Variants in VPS37A observed in about 807,000 individuals in gnomAD.
VPS37A encodes the protein vacuolar protein sorting-associated protein 37A.
In VPS37A, 30 loss-of-function variants were observed where a neutral mutation model predicts 49.8. The observed-to-expected ratio is 0.60, with a 90% CI of 0.45 to 0.82. VPS37A has a LOEUF of 0.82. Among genes scored for constraint, VPS37A ranks in the 40% least tolerant of loss-of-function variants. VPS37A has a pLI of 0.00. For missense variants in VPS37A, 593 were observed against 464.4 expected (o/e 1.28, Z -2.55); for synonymous variants, 195 against 160.6 (o/e 1.21, Z -1.62).
At chr8:17,304,229 A>T (rs1384690273), downstream of VPS37A, 4 of 788,026 alleles carry the variant, frequency 5.1e-6, no homozygotes, top group Non-Finnish European at 7.3e-6. Context: ...CAAAAATACC[A>T]GATCAGATAT....
intron 1 of VPS37A, chr8:17,265,693 C>G (rs775840245): frequency 1.4e-5 from 18 of 1,319,734 alleles, no homozygotes; most frequent in Non-Finnish European, 1.7e-5. Context: ...CATCCCCCTT[C>G]CCCTGGATAG....
intron 11 of VPS37A, among the ~76,000 whole-genome samples, chr8:17,293,590 G>A (rs1022892201): frequency 6.6e-6 from 1 of 151,990 alleles, no homozygotes; most frequent in South Asian, 2.1e-4. Context: ...TCATCTTCAT[G>A]GATTTATCTA....
In VPS37A at chr8:17,255,079, A is replaced by T. The variant is rs183548002; in HGVS notation, c.125+7710A>T. 2.4e-4 allele frequency among the ~76,000 whole-genome samples: 37 copies of T among 152,286 alleles called. 1 individual carries two copies. The East Asian group carries it at 6.9e-3, about 29-fold the overall frequency. Reference sequence around the variant, plus strand: ...TCAGAGCACAAAACACCCCATATTCATCTCTGTATTTCCATTTCCTTGCAG... The same window carrying T: ...TCAGAGCACAAAACACCCCATATTCTTCTCTGTATTTCCATTTCCTTGCAG... On this transcript the variant is annotated intron_variant, in intron 1 of 11. Coordinates refer to ENST00000324849, the MANE Select transcript of VPS37A (RefSeq NM_152415.3).
chr8:17,253,940 A>T (rs141479939), intron 1 of VPS37A, among the ~76,000 whole-genome samples: 2 of 152,290 alleles, frequency 1.3e-5, no homozygotes, highest in African/African-American at 4.8e-5. Flanking sequence ...TTTGTTTTAA[A>T]TTTCCAGTTT....
chr8:17,274,391 T>G (rs951279454), intron 4 of VPS37A, among the ~76,000 whole-genome samples: 2 of 152,200 alleles, frequency 1.3e-5, no homozygotes, highest in South Asian at 2.1e-4. Flanking sequence ...CTGCATTCCC[T>G]CTATGGAGAT....
At chr8:17,304,082 T>C (rs1817299287), downstream of VPS37A, among the ~76,000 whole-genome samples, 1 of 152,202 alleles carries the variant, frequency 6.6e-6, no homozygotes, top group Non-Finnish European at 1.5e-5. Flanking sequence ...ACTTAAGGCA[T>C]TTGCATTATT....
At chr8:17,274,059 A>G (rs1814266893) in intron 4 of VPS37A, among the ~76,000 whole-genome samples, 1 of 152,204 alleles carries the variant, frequency 6.6e-6, no homozygotes, top group African/African-American at 2.4e-5. Flanking sequence ...TTTTAGAGTA[A>G]TATAATGATC....
intron 3 of VPS37A, 103 bp downstream of exon 3, chr8:17,268,475 A>T (rs1414184005): frequency 4.6e-6 from 4 of 864,360 alleles, no homozygotes; most frequent in Non-Finnish European, 6.9e-6. Context: ...TCATTTTGTC[A>T]TGAGTACTTT....
chr8:17,305,494 C>A (rs1220208665), downstream of VPS37A, among the ~76,000 whole-genome samples: 1 of 152,094 alleles, frequency 6.6e-6, no homozygotes, highest in Non-Finnish European at 1.5e-5. Flanking sequence ...CCAGAAAATT[C>A]CCTTTCGATA....
chr8:17,320,133 AAT>A, the VPS37A span, among the ~76,000 whole-genome samples: 2 of 151,814 alleles, frequency 1.3e-5, no homozygotes, highest in Non-Finnish European at 2.9e-5. Flanking sequence ...TAATAATATA[AAT>A]ATATATATTT....
the VPS37A span, among the ~76,000 whole-genome samples, chr8:17,307,706 A>C: frequency 6.6e-6 from 1 of 152,258 alleles, no homozygotes; most frequent in Non-Finnish European, 1.5e-5. Flanking sequence ...TTATGCAGCC[A>C]TAAAAAATGA....
At chr8:17,299,157 A>G (rs548756425), downstream of VPS37A, 1 of 152,196 alleles carries the variant, frequency 6.6e-6, no homozygotes, top group South Asian at 2.1e-4. Flanking sequence ...TGTTGCTTCT[A>G]CCTCGTTAGC....
chr8:17,304,959 C>G (rs1371993270), downstream of VPS37A, among the ~76,000 whole-genome samples: 3 of 152,064 alleles, frequency 2.0e-5, no homozygotes, highest in Non-Finnish European at 4.4e-5. Flanking sequence ...AGTCCTATAG[C>G]TAGTAAGTGG....
chr8:17,310,232 C>A, the VPS37A span, among the ~76,000 whole-genome samples: 3 of 152,142 alleles, frequency 2.0e-5, no homozygotes, highest in East Asian at 5.8e-4. Context: ...AACTCTGGGG[C>A]TCCAGCAAGC....
At chr8:17,317,768 G>A in the VPS37A span, among the ~76,000 whole-genome samples, 6 of 152,048 alleles carry the variant, frequency 3.9e-5, no homozygotes, top group Non-Finnish European at 8.8e-5. Context: ...GCTTACTTTG[G>A]GGTTTCTCAT....
chr8:17,305,993 A>C, downstream of VPS37A: 1 of 1,531,712 alleles, frequency 6.5e-7, no homozygotes, highest in Non-Finnish European at 8.9e-7. Context: ...TTTAAGGCAG[A>C]TTTATTTTTA....
In VPS37A at chr8:17,265,954, T is replaced by C; in HGVS notation, c.173T>C (p.Ile58Thr). Residue 58 changes from isoleucine to threonine, a missense_variant, in exon 2 of 12, where the codon ATA becomes ACA. By Grantham distance (89) the Ile-to-Thr change is moderately conservative. Transcript: ENST00000324849. ...KDVEYRLPFTINNLTININIL... is the reference protein window; with the variant it reads ...KDVEYRLPFTTNNLTININIL... ...GTGGAATACAGATTGCCATTCACCA[T>C]AAACAACCTGACAATTAACATTAAT... 1 of 1,613,170 alleles carries C rather than the reference T, an allele frequency of 6.2e-7. No individual in the cohort carries two copies. The highest frequency in any genetic ancestry group is 2.2e-5 in the East Asian group (1 of 44,742).
intron 1 of VPS37A, among the ~76,000 whole-genome samples, chr8:17,264,910 C>T (rs1005433724): frequency 6.6e-6 from 1 of 152,012 alleles, no homozygotes; most frequent in Non-Finnish European, 1.5e-5. Context: ...ATAATATATG[C>T]CTGCAAATAA....
At chr8:17,287,801 A>G (rs77844290) in intron 11 of VPS37A, among the ~76,000 whole-genome samples, 10,512 of 152,234 alleles carry the variant, frequency 0.069, 583 homozygotes, top group African/African-American at 0.16. Context: ...TCCCTGGAAG[A>G]GTAACTGACC....
Sources: gnomAD v4.1 joint callset for allele counts (sites outside exome capture counted in the v4.1 genomes callset) on GRCh38, gnomAD v4.1.1 for gene constraint, MANE v1.5 for transcripts, NCBI Gene and HGNC (gene_info 2026-07-23, HGNC 2026-07-21) for gene names.